Variants in IQCM observed in about 807,000 individuals in gnomAD.
IQCM encodes IQ domain-containing protein M.
IQCM carries 45 observed loss-of-function variants against 57.6 expected under a neutral mutation model. The observed-to-expected ratio is 0.78, with a 90% CI of 0.62 to 1.00. The LOEUF (loss-of-function observed/expected upper bound fraction) is 1.00, where lower values mean the gene tolerates loss of function less well. Among genes scored for constraint, IQCM ranks in the 50% least tolerant of loss-of-function variants. The pLI is 0.00. For synonymous variants in IQCM, 148 were observed against 158.9 expected (o/e 0.93, Z 0.51); for missense variants, 468 against 511.6 (o/e 0.91, Z 0.82).
chr4:149,454,167 T>TAC (rs200120358), intron 12 of IQCM, among the ~76,000 whole-genome samples: 7 of 144,050 alleles, frequency 4.9e-5, no homozygotes, highest in African/African-American at 1.0e-4. Flanking sequence ...TATATATATA[T>TAC]ACACACACAC....
chr4:149,802,580 A>G (rs761553557), intron 2 of IQCM, among the ~76,000 whole-genome samples: 11 of 151,988 alleles, frequency 7.2e-5, no homozygotes, highest in Non-Finnish European at 1.6e-4. Flanking sequence ...CTAATGGAGC[A>G]TTCTCCAAGG....
At chr4:149,693,233 C>T (rs758975534) in intron 5 of IQCM, among the ~76,000 whole-genome samples, 2 of 152,158 alleles carry the variant, frequency 1.3e-5, no homozygotes, top group Non-Finnish European at 2.9e-5. Context: ...TGTGTGTTCC[C>T]CAAAGCTATT....
At chr4:149,417,010 T>G (rs1733793457) in intron 13 of IQCM, among the ~76,000 whole-genome samples, 3 of 152,160 alleles carry the variant, frequency 2.0e-5, no homozygotes, top group African/African-American at 4.8e-5. Context: ...GAATTGCTTT[T>G]AGGCTTTTGA....
chr4:149,465,043 A>C (rs1738700915), intron 12 of IQCM, among the ~76,000 whole-genome samples: 2 of 152,142 alleles, frequency 1.3e-5, no homozygotes, highest in South Asian at 2.1e-4. Flanking sequence ...TTTTATTTTC[A>C]TTGTATGACA....
At chr4:149,407,848 T>G (rs1266131792) in intron 13 of IQCM, among the ~76,000 whole-genome samples, 1 of 152,142 alleles carries the variant, frequency 6.6e-6, no homozygotes, top group Non-Finnish European at 1.5e-5. Flanking sequence ...ATAATTTATT[T>G]TCCTTTGGGT....
chr4:149,660,918 C>T (rs1419980156), intron 7 of IQCM, among the ~76,000 whole-genome samples: 1 of 151,722 alleles, frequency 6.6e-6, no homozygotes, highest in Non-Finnish European at 1.5e-5. Flanking sequence ...ACCAGCATGG[C>T]ACATGTATAC....
rs1439416849 is a variant in IQCM at position 149,433,407 on chromosome 4, T to C, written c.1379A>G (p.Tyr460Cys). The change falls in exon 13 of 14, where the codon TAT becomes TGT. Residue 460 changes from tyrosine (Y) to cysteine (C), a missense_variant. Coordinates refer to ENST00000636793, the MANE Select transcript of IQCM (RefSeq NM_001363507.2). ...LRPIVNGEEG[Y>C]RYIVNGHPAL... is the part of the protein sequence containing the mutation. ...GTTCAATATCTTACCTATATATCTA[T>C]AACCTTCTTCCCCATTTACTATGGG... 4.1e-6 allele frequency: 5 copies of C among 1,220,862 alleles called. No individual in the cohort carries two copies. The East Asian group carries it at 9.5e-5, about 23-fold the overall frequency. 75.6% of individuals were successfully genotyped at this position (1,220,862 alleles called of 1,614,324 possible).
At chr4:149,456,918 C>T in intron 12 of IQCM, among the ~76,000 whole-genome samples, 1 of 151,940 alleles carries the variant, frequency 6.6e-6, no homozygotes, top group Non-Finnish European at 1.5e-5. Flanking sequence ...TCTATGTAGC[C>T]CAGTGGTGTC....
intron 12 of IQCM, among the ~76,000 whole-genome samples, chr4:149,459,246 G>C (rs991492534): frequency 3.3e-5 from 5 of 152,214 alleles, no homozygotes; most frequent in African/African-American, 1.2e-4. Context: ...TCTGTGCTGA[G>C]GTTATTACAT....
chr4:149,365,404 AAATG>A (rs1729762488), intron 13 of IQCM, among the ~76,000 whole-genome samples: 2 of 152,170 alleles, frequency 1.3e-5, no homozygotes, highest in Non-Finnish European at 1.5e-5. Flanking sequence ...ATCAATAAAT[AAATG>A]GTGAAGAAAA....
intron 5 of IQCM, among the ~76,000 whole-genome samples, chr4:149,712,743 A>G (rs1287261737): frequency 6.6e-6 from 1 of 152,196 alleles, no homozygotes. Flanking sequence ...GGTAATAAGA[A>G]TATTGAATTC....
chr4:149,519,866 G>A (rs540606131), intron 12 of IQCM, among the ~76,000 whole-genome samples: 51 of 151,954 alleles, frequency 3.4e-4, no homozygotes, highest in Admixed American at 1.9e-3. Flanking sequence ...ATAGCTGGGC[G>A]TGGTGGCGGG....
chr4:149,639,062 T>G (rs912135172), intron 7 of IQCM, among the ~76,000 whole-genome samples: 1 of 152,224 alleles, frequency 6.6e-6, no homozygotes, highest in African/African-American at 2.4e-5. Context: ...TGACGTCTAC[T>G]TGCCAAAACT....
At chr4:149,536,932 C>T (rs890648840) in intron 12 of IQCM, among the ~76,000 whole-genome samples, 3 of 151,950 alleles carry the variant, frequency 2.0e-5, no homozygotes, top group South Asian at 2.1e-4. Context: ...CAAAAGTTGT[C>T]GACACCACTG....
In IQCM at chr4:149,372,815, A is replaced by C. The variant is rs180711069; in HGVS notation, c.1391-20749T>G. Among the ~76,000 whole-genome samples the C allele has an allele frequency of 2.6e-3, 402 of 152,242 alleles. 4 individuals carry two copies. Among genetic ancestry groups the C allele is most frequent in the African/African-American group, 9.2e-3 (384 of 41,562 alleles). On this transcript the variant is annotated intron_variant, in intron 13 of 13. Coordinates refer to ENST00000636793, the MANE Select transcript of IQCM (RefSeq NM_001363507.2). ...TAGTTCCTTGGTTTTGAGGGACAAA[A>C]TTAGTGGTGTTACATCCTAGAATTT...
At chr4:149,467,637 C>T (rs572960702) in intron 12 of IQCM, among the ~76,000 whole-genome samples, 1 of 152,308 alleles carries the variant, frequency 6.6e-6, no homozygotes, top group East Asian at 1.9e-4. Flanking sequence ...AATTCCCAGA[C>T]TAGAAATTTC....
intron 8 of IQCM, among the ~76,000 whole-genome samples, chr4:149,610,783 G>A (rs552734179): frequency 3.3e-5 from 5 of 152,102 alleles, no homozygotes; most frequent in African/African-American, 1.2e-4. Context: ...AAAACATTGG[G>A]TAAACACTCT....
chr4:149,465,583 G>A (rs1360168457), intron 12 of IQCM, among the ~76,000 whole-genome samples: 1 of 152,144 alleles, frequency 6.6e-6, no homozygotes, highest in East Asian at 1.9e-4. Flanking sequence ...ACAACTGGGG[G>A]AAATGAAGGT....
At chr4:149,442,438 A>G (rs1435643011) in intron 12 of IQCM, among the ~76,000 whole-genome samples, 1 of 152,038 alleles carries the variant, frequency 6.6e-6, no homozygotes, top group Non-Finnish European at 1.5e-5. Flanking sequence ...ACAAAAACAA[A>G]CAAAAACAGG....
Sources: allele counts gnomAD v4.1 joint callset (sites outside exome capture counted in the v4.1 genomes callset), GRCh38; gene constraint gnomAD v4.1.1; transcripts MANE v1.5; gene names NCBI Gene and HGNC (gene_info 2026-07-23, HGNC 2026-07-21).